The following FGF14 variants were observed in gnomAD, a reference collection of about 807,000 sequenced individuals.
The protein encoded by FGF14 is fibroblast growth factor 14.
A neutral mutation model predicts 25.5 loss-of-function variants in FGF14; 5 were observed. That is an observed-to-expected ratio of 0.20 (90% confidence interval 0.10 to 0.41). The LOEUF (loss-of-function observed/expected upper bound fraction) is 0.41, where lower values mean the gene tolerates loss of function less well. FGF14 is among the 10% of genes least tolerant of loss of function. The pLI, the probability that FGF14 is intolerant of heterozygous loss-of-function variation, is 1.00. For synonymous variants in FGF14, 138 were observed against 118.3 expected, an observed-to-expected ratio of 1.17 and a Z score of -1.08; for missense variants, 222 against 320.1, an observed-to-expected ratio of 0.69 and a Z score of 2.34.
chr13:102,258,294 A>G (rs2052548016), intron 1 of FGF14, among the ~76,000 whole-genome samples: 1 of 152,142 alleles, frequency 6.6e-6, no homozygotes, highest in Non-Finnish European at 1.5e-5. Flanking sequence ...CTGGGAGCAC[A>G]GCAGCAGCTT....
At chr13:101,744,523 T>G (rs1026546614) in intron 3 of FGF14, among the ~76,000 whole-genome samples, 2 of 152,126 alleles carry the variant, frequency 1.3e-5, no homozygotes, top group African/African-American at 2.4e-5. Context: ...GAGTCTCCAG[T>G]GTCCAGAATA....
intron 1 of FGF14, among the ~76,000 whole-genome samples, chr13:102,172,411 TG>T (rs1373950025): frequency 1.3e-5 from 2 of 152,014 alleles, no homozygotes; most frequent in African/African-American, 4.8e-5. Flanking sequence ...AACATAGACT[TG>T]GGGCATTTTG....
At chr13:101,889,781 T>C (rs1171182011) in intron 1 of FGF14, among the ~76,000 whole-genome samples, 1 of 152,212 alleles carries the variant, frequency 6.6e-6, no homozygotes, top group Non-Finnish European at 1.5e-5. Context: ...CTGCTTAGTA[T>C]TGTCTGGTTA....
At chr13:101,883,189 C>A (rs2045807908) in intron 1 of FGF14, among the ~76,000 whole-genome samples, 1 of 152,172 alleles carries the variant, frequency 6.6e-6, no homozygotes, top group South Asian at 2.1e-4. Flanking sequence ...ATATGCATCT[C>A]TAAAACCCAA....
intron 1 of FGF14, among the ~76,000 whole-genome samples, chr13:102,096,908 C>A (rs985326544): frequency 2.6e-5 from 4 of 152,156 alleles, no homozygotes; most frequent in Non-Finnish European, 4.4e-5. Flanking sequence ...ATGTTTTCAG[C>A]CAGACTAATT....
intron 1 of FGF14, among the ~76,000 whole-genome samples, chr13:102,358,300 G>A (rs1378116410): frequency 6.6e-6 from 1 of 152,126 alleles, no homozygotes; most frequent in Non-Finnish European, 1.5e-5. Context: ...GACCTTCACT[G>A]AGGGCCATTT....
chr13:101,736,147 A>T (rs1399653449), intron 3 of FGF14, among the ~76,000 whole-genome samples: 3 of 152,194 alleles, frequency 2.0e-5, no homozygotes, highest in African/African-American at 7.2e-5. Flanking sequence ...AGTGATTTAT[A>T]CTTTCATTGT....
Position 102,237,516 on chromosome 13 carries a change from C to A in FGF14, c.208+163955G>T, listed in dbSNP as rs117913853. On this transcript the variant is annotated intron_variant, in intron 1 of 4. Transcript: ENST00000376131. ...CAATTGAACATCTGTTACTTTGGTG[C>A]AAACCCTGTTTCAGCAGAAGGAGTA... Among the ~76,000 whole-genome samples the A allele has an allele frequency of 5.5e-3, 818 of 148,796 alleles. 2 individuals are homozygous for A. The highest frequency in any genetic ancestry group is 9.0e-3 in the Non-Finnish European group (608 of 67,696).
chr13:102,306,142 T>C (rs1263024116), intron 1 of FGF14, among the ~76,000 whole-genome samples: 1 of 152,198 alleles, frequency 6.6e-6, no homozygotes, highest in Non-Finnish European at 1.5e-5. Flanking sequence ...GCTCTGCCTC[T>C]GGCCCCAAGT....
intron 3 of FGF14, among the ~76,000 whole-genome samples, chr13:101,727,651 G>C (rs755050850): frequency 6.6e-6 from 1 of 151,874 alleles, no homozygotes; most frequent in Non-Finnish European, 1.5e-5. Context: ...CTTACTTTGG[G>C]ATGAATAATA....
At chr13:101,998,291 A>G (rs1177433708) in intron 1 of FGF14, among the ~76,000 whole-genome samples, 2 of 152,222 alleles carry the variant, frequency 1.3e-5, no homozygotes, top group Non-Finnish European at 2.9e-5. Context: ...ATTATGCAGT[A>G]TAAGGCCCTG....
intron 1 of FGF14, among the ~76,000 whole-genome samples, chr13:102,272,026 T>A (rs1243522423): frequency 6.6e-6 from 1 of 152,140 alleles, no homozygotes; most frequent in East Asian, 1.9e-4. Context: ...GCAAAAAAAG[T>A]AATACTCAGA....
chr13:102,225,647 A>G (rs1001526610), intron 1 of FGF14, among the ~76,000 whole-genome samples: 2 of 152,234 alleles, frequency 1.3e-5, no homozygotes, highest in Admixed American at 6.5e-5. Flanking sequence ...TTAAAGGCAG[A>G]AGAAAATTAC....
At chr13:101,929,074 T>C (rs1278469424) in intron 1 of FGF14, among the ~76,000 whole-genome samples, 2 of 152,226 alleles carry the variant, frequency 1.3e-5, no homozygotes, top group Non-Finnish European at 2.9e-5. Flanking sequence ...ATGCGTCTAT[T>C]GAGCGCTAAC....
chr13:102,357,696 T>C (rs1457616911), intron 1 of FGF14, among the ~76,000 whole-genome samples: 11 of 152,300 alleles, frequency 7.2e-5, no homozygotes, highest in African/African-American at 2.4e-4. Context: ...GATGAAGTGT[T>C]TAGAACGGTG....
At chr13:102,366,367 C>A (rs2057712655) in intron 1 of FGF14, 1 of 152,090 alleles carries the variant, frequency 6.6e-6, no homozygotes, top group African/African-American at 2.4e-5. Flanking sequence ...GGTCAAGATG[C>A]TGAATTATAA....
At chr13:102,100,051 G>A (rs2044586125) in intron 1 of FGF14, among the ~76,000 whole-genome samples, 1 of 152,128 alleles carries the variant, frequency 6.6e-6, no homozygotes, top group South Asian at 2.1e-4. Context: ...GAAGATAAAA[G>A]CTAGGTTTTT....
In FGF14 at chr13:101,868,832, T is replaced by G. The variant is rs2044878430; in HGVS notation, c.305-4A>C. 6.2e-7 allele frequency: 1 copy of G among 1,602,504 alleles called. No individual in the cohort carries two copies. The highest frequency in any genetic ancestry group is 2.2e-5 in the East Asian group (1 of 44,774). ...ACTGGTATGAGGTTGAAGAGTGCTG[T>G]GAAGATAAACATTGTCTATCATGAA... On this transcript the variant is annotated splice_polypyrimidine_tract_variant and splice_region_variant and intron_variant, in intron 2 of 4. Transcript: ENST00000376143.
chr13:102,040,371 A>G (rs2041675766), intron 1 of FGF14, among the ~76,000 whole-genome samples: 2 of 152,108 alleles, frequency 1.3e-5, no homozygotes, highest in African/African-American at 4.8e-5. Flanking sequence ...CTTTTTACAT[A>G]GAGGGTGCTG....
Sources: gnomAD v4.1 joint callset for allele counts (sites outside exome capture counted in the v4.1 genomes callset) on GRCh38, gnomAD v4.1.1 for gene constraint, MANE v1.5 for transcripts, NCBI Gene and HGNC (gene_info 2026-07-23, HGNC 2026-07-21) for gene names.